SERPINB7: variants seen among roughly 807,000 people sequenced by gnomAD.
The protein encoded by SERPINB7 is serpin family B member 7, also known as serpin B7.
In SERPINB7, 31 loss-of-function variants were observed where a neutral mutation model predicts 37.4. That is an observed-to-expected ratio of 0.83 (90% CI 0.62 to 1.12). The LOEUF (loss-of-function observed/expected upper bound fraction) is 1.12, where lower values mean the gene tolerates loss of function less well. Among genes scored for constraint, SERPINB7 ranks in the 50% most tolerant of loss-of-function variants. The pLI, the probability that SERPINB7 is intolerant of heterozygous loss-of-function variation, is 0.00. For synonymous variants in SERPINB7, 163 were observed against 166.1 expected (o/e 0.98, Z 0.14); for missense variants, 521 against 455.3 (o/e 1.14, Z -1.31).
At chr18:63,789,004 T>C (rs993835863) in intron 2 of SERPINB7, among the ~76,000 whole-genome samples, 1 of 152,334 alleles carries the variant, frequency 6.6e-6, no homozygotes, top group African/African-American at 2.4e-5. Flanking sequence ...GATGCATGAT[T>C]GTAATAAGTA....
intron 2 of SERPINB7, among the ~76,000 whole-genome samples, 185 bp from the exon 3 acceptor site, chr18:63,792,205 TAAA>T (rs1182074795): frequency 6.6e-6 from 1 of 152,160 alleles, no homozygotes; most frequent in Non-Finnish European, 1.5e-5. Flanking sequence ...CAATAAAAAT[TAAA>T]ACCAAGTATG....
intron 2 of SERPINB7, among the ~76,000 whole-genome samples, chr18:63,787,952 C>T (rs2144623400): frequency 6.6e-6 from 1 of 152,340 alleles, no homozygotes; most frequent in East Asian, 1.9e-4. Flanking sequence ...AAATGCATTA[C>T]TCATGTGTTT....
chr18:63,791,762 C>G (rs2049430338), intron 2 of SERPINB7, among the ~76,000 whole-genome samples: 1 of 149,254 alleles, frequency 6.7e-6, no homozygotes, highest in Middle Eastern at 3.4e-3. Flanking sequence ...AGGCGCCCAC[C>G]ACCACAACCA....
intron 7 of SERPINB7, 23 bp downstream of exon 7, chr18:63,801,035 A>AC: frequency 1.9e-6 from 3 of 1,608,286 alleles, no homozygotes; most frequent in Non-Finnish European, 2.5e-6. Context: ...TGTCATTTTC[A>AC]CTATTGGGAA....
intron 1 of SERPINB7, among the ~76,000 whole-genome samples, chr18:63,754,291 C>T (rs530803843): frequency 9.2e-5 from 14 of 152,234 alleles, no homozygotes; most frequent in Admixed American, 3.3e-4. Flanking sequence ...ATAAATTTCA[C>T]GCCAAGGGAA....
intron 1 of SERPINB7, among the ~76,000 whole-genome samples, chr18:63,782,071 A>C (rs1399685963): frequency 1.3e-5 from 2 of 152,156 alleles, no homozygotes; most frequent in Non-Finnish European, 2.9e-5. Context: ...GTGATTTGAG[A>C]AATAGTGAGC....
At chr18:63,770,991 T>G (rs1598994159), upstream of SERPINB7, among the ~76,000 whole-genome samples, 1 of 129,622 alleles carries the variant, frequency 7.7e-6, no homozygotes, top group Admixed American at 9.4e-5. Flanking sequence ...GTTGCCAGAG[T>G]GGAAGAAAAA....
intron 5 of SERPINB7, among the ~76,000 whole-genome samples, chr18:63,796,979 TACCAAA>T (rs1224698914): frequency 6.6e-6 from 1 of 152,226 alleles, no homozygotes; most frequent in Non-Finnish European, 1.5e-5. Flanking sequence ...GTTCTTTATT[TACCAAA>T]ATAATTTATG....
chr18:63,758,551 C>T (rs2049134583), intron 1 of SERPINB7, among the ~76,000 whole-genome samples: 3 of 152,168 alleles, frequency 2.0e-5, no homozygotes. Context: ...CTCAAATCCT[C>T]TGTATCTGGC....
intron 7 of SERPINB7, 92 bp downstream of exon 7, chr18:63,801,104 G>A (rs566350744): frequency 1.2e-5 from 15 of 1,291,786 alleles, no homozygotes; most frequent in Non-Finnish European, 1.5e-5. Context: ...AGATTTCAGG[G>A]TATTGAGATA....
At chr18:63,782,636 T>C in intron 2 of SERPINB7, 96 bp downstream of exon 2, 1 of 1,255,938 alleles carries the variant, frequency 8.0e-7, no homozygotes, top group East Asian at 2.4e-5. Flanking sequence ...GAGGTCATCA[T>C]GAGGCACAAG....
At chr18:63,770,207 C>T (rs1035062411) in intron 1 of SERPINB7, among the ~76,000 whole-genome samples, 7 of 150,730 alleles carry the variant, frequency 4.6e-5, no homozygotes, top group African/African-American at 1.2e-4. Context: ...TTCTTCTTTC[C>T]GGACCTCTGG....
intron 5 of SERPINB7, among the ~76,000 whole-genome samples, chr18:63,797,952 C>G (rs544348500): frequency 5.9e-5 from 9 of 152,312 alleles, no homozygotes; most frequent in Admixed American, 2.0e-4. Flanking sequence ...TGTTCTTCAG[C>G]TAAAGCAGAT....
intron 1 of SERPINB7, among the ~76,000 whole-genome samples, chr18:63,776,707 C>A (rs889413368): frequency 2.7e-5 from 4 of 150,762 alleles, no homozygotes; most frequent in African/African-American, 7.3e-5. Context: ...GGACGTCTAA[C>A]AAGGACTGGG....
chr18:63,764,255 A>G (rs2049168976), intron 1 of SERPINB7, among the ~76,000 whole-genome samples: 1 of 152,240 alleles, frequency 6.6e-6, no homozygotes, highest in Non-Finnish European at 1.5e-5. Flanking sequence ...GGTTTGCTAA[A>G]CTAAGAAGGT....
intron 4 of SERPINB7, among the ~76,000 whole-genome samples, chr18:63,795,038 A>T (rs2144635751): frequency 6.6e-6 from 1 of 152,376 alleles, no homozygotes; most frequent in South Asian, 2.1e-4. Flanking sequence ...TTGATAAATT[A>T]GATCATTATG....
intron 4 of SERPINB7, among the ~76,000 whole-genome samples, chr18:63,795,366 GC>G (rs2049475835): frequency 6.6e-6 from 1 of 152,010 alleles, no homozygotes; most frequent in Admixed American, 6.5e-5. Flanking sequence ...TTTGAGACCA[GC>G]CTGACCAACA....
At position 63,775,678 on chromosome 18, in the gene SERPINB7, C is replaced by G. The variant is rs1411834330; in HGVS notation, c.-57C>G. The stretch of plus-strand genomic sequence containing the variant: ...GAACAGATCACCTAGAGAAAGGAGA[C>G]CAGATTCCCATCACTGCTTCTGGGT... On this transcript the variant is annotated 5_prime_UTR_variant, in exon 1 of 8. Coordinates refer to ENST00000398019, the MANE Select transcript of SERPINB7 (RefSeq NM_003784.4). 5 of 152,112 alleles carry G rather than the reference C, an allele frequency of 3.3e-5. No individual in the cohort carries two copies. Among genetic ancestry groups the G allele is most frequent in the African/African-American group, 1.2e-4 (5 of 41,416 alleles). The allele number at this position is 152,112 out of a possible 1,614,324, so 9.4% of individuals were successfully genotyped here. A position where few individuals can be genotyped will look rare whatever the true frequency, so the allele number is the denominator to read the frequency against.
At chr18:63,795,771 G>C (rs1445240762) in intron 4 of SERPINB7, among the ~76,000 whole-genome samples, 1 of 152,130 alleles carries the variant, frequency 6.6e-6, no homozygotes, top group Non-Finnish European at 1.5e-5. Context: ...TTGAGCAACT[G>C]TCAGGAATGT....
Sources: allele counts gnomAD v4.1 joint callset (sites outside exome capture counted in the v4.1 genomes callset), GRCh38; gene constraint gnomAD v4.1.1; transcripts MANE v1.5; gene names NCBI Gene and HGNC (gene_info 2026-07-23, HGNC 2026-07-21).